Variants in PARVA observed in about 807,000 individuals in gnomAD.
The protein encoded by PARVA is parvin alpha.
In PARVA, 25 loss-of-function variants were observed where a neutral mutation model predicts 52.6. That is an observed-to-expected ratio of 0.48 (90% CI 0.35 to 0.66). PARVA has a LOEUF of 0.66. Ranked by LOEUF, PARVA falls within the 30% of genes least tolerant of loss-of-function variation. The probability of loss-of-function intolerance (pLI) is 0.01; values close to 1 mark genes in which losing one functional copy is unlikely to be tolerated. For synonymous variants in PARVA, 185 were observed against 179.1 expected, an observed-to-expected ratio of 1.03 and a Z score of -0.26; for missense variants, 373 against 450.9, an observed-to-expected ratio of 0.83 and a Z score of 1.56.
chr11:12,472,464 A>G (rs1310338900), intron 1 of PARVA, among the ~76,000 whole-genome samples: 1 of 152,116 alleles, frequency 6.6e-6, no homozygotes, highest in East Asian at 1.9e-4. Context: ...CCCTATGTGA[A>G]TGTCAAAGAC....
In PARVA at chr11:12,495,982, C is replaced by T. The variant is rs75072853; in HGVS notation, c.401-476C>T. 1.8e-4 allele frequency among the ~76,000 whole-genome samples: 28 copies of T among 152,236 alleles called. No individual in the cohort carries two copies. The East Asian group carries it at 5.4e-3, about 29-fold the overall frequency. ...GCCTTAGAATTGATTAAATATGACA[C>T]ATTAAGTAAGTTACCTTCCAGGTGG... is the stretch of plus-strand genomic sequence containing the variant. On this transcript the variant is annotated intron_variant, in intron 4 of 12. Coordinates refer to ENST00000334956, the MANE Select transcript of PARVA (RefSeq NM_018222.5).
chr11:12,427,700 G>A (rs4756867), intron 1 of PARVA, among the ~76,000 whole-genome samples: 147,480 of 152,320 alleles, frequency 0.97, 71,578 homozygotes, highest in East Asian at 1. Flanking sequence ...GGTTGAATAA[G>A]GTCAGAATGA....
chr11:12,462,118 A>G (rs1164786673), intron 1 of PARVA, among the ~76,000 whole-genome samples: 1 of 152,224 alleles, frequency 6.6e-6, no homozygotes, highest in Non-Finnish European at 1.5e-5. Flanking sequence ...AAGTGAACCC[A>G]TATGTTGTAG....
At chr11:12,471,374 ATTTT>A (rs1564855488) in intron 1 of PARVA, among the ~76,000 whole-genome samples, 2 of 152,254 alleles carry the variant, frequency 1.3e-5, no homozygotes, top group South Asian at 2.1e-4. Flanking sequence ...TCTTTTAAAA[ATTTT>A]ATTTTTTAAC....
At chr11:12,409,405 A>G (rs916241143) in intron 1 of PARVA, among the ~76,000 whole-genome samples, 9 of 152,168 alleles carry the variant, frequency 5.9e-5, no homozygotes, top group Non-Finnish European at 1.2e-4. Flanking sequence ...GTTATCTTCT[A>G]TGGTAAAGGA....
intron 1 of PARVA, among the ~76,000 whole-genome samples, chr11:12,397,884 C>T (rs1258093754): frequency 6.6e-6 from 1 of 150,574 alleles, no homozygotes. Context: ...CCTCTGGATG[C>T]AGAGGGGCCA....
chr11:12,453,125 G>A, intron 1 of PARVA: 22 of 439,894 alleles, frequency 5.0e-5, no homozygotes, highest in South Asian at 3.6e-4. Flanking sequence ...CGTCTCTGGG[G>A]TTTGAGTTGA....
intron 1 of PARVA, among the ~76,000 whole-genome samples, chr11:12,464,826 A>T (rs1182065767): frequency 6.6e-6 from 1 of 152,184 alleles, no homozygotes; most frequent in African/African-American, 2.4e-5. Context: ...CTCTACCTGG[A>T]TTAATCCAGT....
At chr11:12,427,180 TAAAAG>T (rs1940249623) in intron 1 of PARVA, among the ~76,000 whole-genome samples, 2 of 152,356 alleles carry the variant, frequency 1.3e-5, no homozygotes, top group African/African-American at 4.8e-5. Flanking sequence ...ATAATTATTA[TAAAAG>T]AAATCTGTCA....
chr11:12,517,879 A>G (rs995511634), intron 11 of PARVA, among the ~76,000 whole-genome samples, 168 bp downstream of exon 11: 2 of 152,218 alleles, frequency 1.3e-5, no homozygotes, highest in Admixed American at 1.3e-4. Context: ...GGAAGGAGCT[A>G]CCTGCAGACC....
chr11:12,378,912 CAGT>C (rs1399628989), intron 1 of PARVA, among the ~76,000 whole-genome samples: 1 of 152,084 alleles, frequency 6.6e-6, no homozygotes, highest in Non-Finnish European at 1.5e-5. Context: ...TGAGTCCACA[CAGT>C]AAAGTGAAAG....
At position 12,462,559 on chromosome 11, in the gene PARVA, G is replaced by C. The variant is rs138251952; in HGVS notation, c.137-11186G>C. On this transcript the variant is annotated intron_variant, in intron 1 of 12. Coordinates refer to ENST00000334956, the MANE Select transcript of PARVA (RefSeq NM_018222.5). ...ACTTTAGCCCAGTGAGACCCATGTTGGTCTTCTAACTTACAGGTCTGCAAG... is the reference window on the plus strand; with the variant it reads ...ACTTTAGCCCAGTGAGACCCATGTTCGTCTTCTAACTTACAGGTCTGCAAG... Among the ~76,000 whole-genome samples, 460 of 152,256 alleles carry C rather than the reference G, an allele frequency of 3.0e-3. 4 individuals carry two copies. The highest frequency in any genetic ancestry group is 0.011 in the African/African-American group (447 of 41,556).
intron 12 of PARVA, among the ~76,000 whole-genome samples, chr11:12,522,173 G>A (rs1029895094): frequency 1.3e-5 from 2 of 152,202 alleles, no homozygotes; most frequent in African/African-American, 4.8e-5. Context: ...ATAGGCTGGA[G>A]TGTACATCCC....
intron 1 of PARVA, among the ~76,000 whole-genome samples, chr11:12,460,134 G>C (rs572870274): frequency 6.6e-6 from 1 of 152,314 alleles, no homozygotes; most frequent in African/African-American, 2.4e-5. Context: ...GCCTTTTTTA[G>C]AGATATGCAT....
intron 1 of PARVA, among the ~76,000 whole-genome samples, chr11:12,473,386 A>C (rs992259141): frequency 3.3e-5 from 5 of 152,178 alleles, no homozygotes; most frequent in African/African-American, 4.8e-5. Context: ...GGCACCAGAC[A>C]GGAAGTCCTG....
At chr11:12,500,632 A>G (rs1941352234) in intron 5 of PARVA, among the ~76,000 whole-genome samples, 1 of 141,948 alleles carries the variant, frequency 7.0e-6, no homozygotes, top group African/African-American at 2.6e-5. Context: ...TCTACTAAAA[A>G]ATACAAAAAT....
chr11:12,468,324 ATTGG>A (rs1370491072), intron 1 of PARVA, among the ~76,000 whole-genome samples: 1 of 152,214 alleles, frequency 6.6e-6, no homozygotes, highest in Non-Finnish European at 1.5e-5. Flanking sequence ...AGTAATGCTT[ATTGG>A]TTGAATGAAT....
At chr11:12,451,208 G>T (rs1940619300) in intron 1 of PARVA, among the ~76,000 whole-genome samples, 1 of 152,122 alleles carries the variant, frequency 6.6e-6, no homozygotes, top group Non-Finnish European at 1.5e-5. Context: ...CACTATACAG[G>T]GTCCCCAAAC....
At chr11:12,411,102 A>C (rs768158914) in intron 1 of PARVA, among the ~76,000 whole-genome samples, 1 of 152,214 alleles carries the variant, frequency 6.6e-6, no homozygotes, top group Non-Finnish European at 1.5e-5. Flanking sequence ...AGCACAAGTT[A>C]ATTTTCTAAG....
Sources: gnomAD v4.1 joint callset for allele counts (sites outside exome capture counted in the v4.1 genomes callset) on GRCh38, gnomAD v4.1.1 for gene constraint, MANE v1.5 for transcripts, NCBI Gene and HGNC (gene_info 2026-07-23, HGNC 2026-07-21) for gene names.